The following DACH1 variants were observed in gnomAD, a reference collection of about 807,000 sequenced individuals.
DACH1 encodes dachshund family transcription factor 1, also known as dachshund homolog 1.
DACH1 carries 12 observed loss-of-function variants against 54.2 expected under a neutral mutation model. That is an observed-to-expected ratio of 0.22 (90% CI 0.14 to 0.36). The LOEUF (loss-of-function observed/expected upper bound fraction) is 0.36, where lower values mean the gene tolerates loss of function less well. DACH1 is among the 10% of genes least tolerant of loss of function. DACH1 has a pLI of 1.00. For synonymous variants in DACH1, 386 were observed against 366.2 expected, an observed-to-expected ratio of 1.05 and a Z score of -0.62; for missense variants, 805 against 929.8, an observed-to-expected ratio of 0.87 and a Z score of 1.75.
chr13:71,475,342 C>A, intron 9 of DACH1, 133 bp from the exon 10 acceptor site: 1 of 787,130 alleles, frequency 1.3e-6, no homozygotes, highest in Non-Finnish European at 2.1e-6. Context: ...AAAGGTTGAA[C>A]AAAAACTGTA....
At position 71,489,008 on chromosome 13, in the gene DACH1, T is replaced by C. The variant is rs1878767260; in HGVS notation, c.1711A>G (p.Thr571Ala). 1.2e-6 allele frequency: 2 copies of C among 1,613,326 alleles called. No homozygotes were observed. The highest frequency in any genetic ancestry group is 2.2e-5 in the South Asian group (2 of 91,032). ...DGLSSIETLL[T>A]NIQGLLKVAI... ...GTAAAAAGGCCTACCTGTATGTTAGTCAGAAGAGTCTCGATGGAAGACAGT... is the reference window on the plus strand; with the variant it reads ...GTAAAAAGGCCTACCTGTATGTTAGCCAGAAGAGTCTCGATGGAAGACAGT... The change falls in exon 7 of 11, where the codon ACT becomes GCT. Residue 571 changes from threonine (T) to alanine (A), a missense_variant. Thr to Ala is a moderately conservative substitution (Grantham distance 58, BLOSUM62 0). This residue lies in a region of DACH1 where 472 missense variants were observed against 545.3 expected (regional missense o/e 0.87). Transcript: ENST00000613252.
chr13:71,667,307 G>A (rs1456084901), intron 2 of DACH1, among the ~76,000 whole-genome samples: 1 of 152,108 alleles, frequency 6.6e-6, no homozygotes, highest in Non-Finnish European at 1.5e-5. Context: ...TAGATTCTCT[G>A]GAATTCAGGC....
intron 8 of DACH1, among the ~76,000 whole-genome samples, chr13:71,478,121 G>A (rs567779904): frequency 6.6e-6 from 1 of 152,270 alleles, no homozygotes; most frequent in East Asian, 1.9e-4. Flanking sequence ...GCTGTCTCAT[G>A]GAAGCTGGTT....
intron 1 of DACH1, among the ~76,000 whole-genome samples, chr13:71,821,449 T>TCTAAGATTTTAAATTTAAATTTAAATG (rs1888183708): frequency 1.3e-5 from 2 of 149,604 alleles, no homozygotes; most frequent in African/African-American, 2.5e-5. Context: ...AAATTTAAAT[T>TCTAAGATTTTAAATTTAAATTTAAATG]CTAAGATTTT....
rs577175226 is a variant in DACH1, at chr13:71,457,621, A to G, written c.2084-16929T>C. Among the ~76,000 whole-genome samples, 16 of 152,154 alleles carry G rather than the reference A, an allele frequency of 1.1e-4. No homozygotes were observed. In the East Asian group the frequency reaches 2.9e-3, roughly 28 times the overall value. ...AATGTAACATGTTACAAAATGTTTTAACTCATTGCTATTTGAACATACTTT... is the reference window on the plus strand; with the variant it reads ...AATGTAACATGTTACAAAATGTTTTGACTCATTGCTATTTGAACATACTTT... On this transcript the variant is annotated intron_variant, in intron 10 of 10. Coordinates refer to ENST00000613252, the MANE Select transcript of DACH1 (RefSeq NM_080759.6).
intron 1 of DACH1, among the ~76,000 whole-genome samples, chr13:71,768,840 A>G (rs1332851845): frequency 6.6e-6 from 1 of 151,880 alleles, no homozygotes; most frequent in East Asian, 1.9e-4. Flanking sequence ...AATTAAAAAC[A>G]ATCCACCACT....
At chr13:71,856,008 C>T (rs1254016469) in intron 1 of DACH1, among the ~76,000 whole-genome samples, 1 of 151,830 alleles carries the variant, frequency 6.6e-6, no homozygotes, top group East Asian at 1.9e-4. Context: ...ATTTTAATAG[C>T]ATGAGAAAAC....
chr13:71,545,062 T>C (rs1883369771), intron 6 of DACH1, among the ~76,000 whole-genome samples: 1 of 152,106 alleles, frequency 6.6e-6, no homozygotes. Flanking sequence ...ACAACACGTA[T>C]ACAGTGCTCC....
In DACH1 at chr13:71,867,021, G is replaced by C. The variant is rs2138316572; in HGVS notation, c.-252C>G. 4.4e-6 allele frequency: 1 copy of C among 228,492 alleles called. No homozygotes were observed. The highest frequency in any genetic ancestry group is 8.3e-5 in the East Asian group (1 of 12,004). 14.2% of individuals were successfully genotyped at this position (228,492 alleles called of 1,614,324 possible). On this transcript the variant is annotated 5_prime_UTR_variant, in exon 1 of 11. Transcript: ENST00000613252. ...ACAAAAGTGTCCCGCAAGTCGAAAT[G>C]CGAGTCCTCTCCGGGGGCTGGGATC...
intron 10 of DACH1, among the ~76,000 whole-genome samples, chr13:71,443,020 T>C (rs1443829245): frequency 6.7e-6 from 1 of 149,092 alleles, no homozygotes. Context: ...AGATTTCATA[T>C]GGTTTACACA....
At chr13:71,816,108 A>C (rs1388571117) in intron 1 of DACH1, among the ~76,000 whole-genome samples, 1 of 152,164 alleles carries the variant, frequency 6.6e-6, no homozygotes, top group Non-Finnish European at 1.5e-5. Flanking sequence ...AATAAAATAA[A>C]ATAAGCTCAG....
intron 1 of DACH1, among the ~76,000 whole-genome samples, chr13:71,852,050 C>A (rs930673138): frequency 6.6e-6 from 1 of 152,090 alleles, no homozygotes; most frequent in Non-Finnish European, 1.5e-5. Context: ...AGCTCTCTGG[C>A]CAATAGGAAT....
chr13:71,721,086 A>C (rs1185934135), intron 1 of DACH1, among the ~76,000 whole-genome samples: 4 of 152,206 alleles, frequency 2.6e-5, no homozygotes, highest in African/African-American at 9.6e-5. Flanking sequence ...AACAAAGCCA[A>C]CACTAATCCT....
At chr13:71,603,940 T>C (rs1376127025) in intron 3 of DACH1, among the ~76,000 whole-genome samples, 1 of 151,900 alleles carries the variant, frequency 6.6e-6, no homozygotes, top group Non-Finnish European at 1.5e-5. Flanking sequence ...GTAACTTTGA[T>C]AATATTGAAG....
intron 1 of DACH1, among the ~76,000 whole-genome samples, chr13:71,724,612 T>C (rs1883388642): frequency 6.6e-6 from 1 of 152,098 alleles, no homozygotes; most frequent in Non-Finnish European, 1.5e-5. Context: ...GCAAAGTAGA[T>C]GGGTTATTTC....
At chr13:71,611,466 A>G (rs749582924) in intron 3 of DACH1, among the ~76,000 whole-genome samples, 1 of 152,190 alleles carries the variant, frequency 6.6e-6, no homozygotes, top group African/African-American at 2.4e-5. Context: ...TAGATCTTCA[A>G]CAGGGATTCA....
intron 3 of DACH1, among the ~76,000 whole-genome samples, chr13:71,581,826 C>G (rs772634609): frequency 2.6e-5 from 4 of 151,830 alleles, no homozygotes; most frequent in Admixed American, 6.6e-5. Context: ...TATTCATTAT[C>G]CTAACTCTGA....
chr13:71,591,507 C>A (rs1242467907), intron 3 of DACH1, among the ~76,000 whole-genome samples: 8 of 152,100 alleles, frequency 5.3e-5, no homozygotes, highest in Non-Finnish European at 7.4e-5. Flanking sequence ...TTTTGCAAAA[C>A]TCTTTACTAA....
chr13:71,550,969 T>G (rs1488010644), intron 6 of DACH1, among the ~76,000 whole-genome samples: 1 of 152,132 alleles, frequency 6.6e-6, no homozygotes, highest in Non-Finnish European at 1.5e-5. Context: ...AAAATACTCA[T>G]GGCCCTATAA....
Sources: gnomAD v4.1 joint callset for allele counts (sites outside exome capture counted in the v4.1 genomes callset) on GRCh38, gnomAD v4.1.1 for gene constraint, gnomAD v4.1.1 regional missense constraint, MANE v1.5 for transcripts, NCBI Gene and HGNC (gene_info 2026-07-23, HGNC 2026-07-21) for gene names.